Variants in KCND2 observed in about 807,000 individuals in gnomAD.
KCND2 encodes the protein A-type voltage-gated potassium channel KCND2.
KCND2 carries 16 observed loss-of-function variants against 54.4 expected under a neutral mutation model. That is an observed-to-expected ratio of 0.29 (90% CI 0.20 to 0.45). The LOEUF (loss-of-function observed/expected upper bound fraction) is 0.45, where lower values mean the gene tolerates loss of function less well. KCND2 is among the 20% of genes least tolerant of loss of function. The pLI is 1.00. For missense variants in KCND2, 486 were observed against 824.2 expected (o/e 0.59, Z 5.02); for synonymous variants, 317 against 310.7 (o/e 1.02, Z -0.21).
intron 1 of KCND2, among the ~76,000 whole-genome samples, chr7:120,451,900 T>A (rs139947852): frequency 1.3e-5 from 2 of 152,370 alleles, no homozygotes; most frequent in East Asian, 3.9e-4. Context: ...AGCTAATAGG[T>A]ACCGATTAAT....
chr7:120,561,024 CTAAT>C (rs1792225980), intron 1 of KCND2, among the ~76,000 whole-genome samples: 1 of 152,128 alleles, frequency 6.6e-6, no homozygotes, highest in Non-Finnish European at 1.5e-5. Context: ...AACAGTAAAA[CTAAT>C]TAACAAATAT....
At chr7:120,326,785 C>A (rs1799984967) in intron 1 of KCND2, among the ~76,000 whole-genome samples, 1 of 152,052 alleles carries the variant, frequency 6.6e-6, no homozygotes, top group African/African-American at 2.4e-5. Context: ...GCAATATGGT[C>A]TGCCTTGTTT....
chr7:120,497,920 T>G lies in KCND2; in HGVS notation c.1115+222173T>G, dbSNP rs73724226. ...AGGAGTGTGGATATTAGAGGACACCTAGCAGCCTCTGCAAAACACAGTACG... is the reference window on the plus strand; with the variant it reads ...AGGAGTGTGGATATTAGAGGACACCGAGCAGCCTCTGCAAAACACAGTACG... On this transcript the variant is annotated intron_variant, in intron 1 of 5. Transcript: ENST00000331113. 3.1e-3 allele frequency among the ~76,000 whole-genome samples: 473 copies of G among 152,280 alleles called. 1 individual carries two copies. Among genetic ancestry groups the G allele is most frequent in the African/African-American group, 0.011 (448 of 41,558 alleles).
intron 1 of KCND2, among the ~76,000 whole-genome samples, chr7:120,439,958 A>G (rs73433901): frequency 0.023 from 3,462 of 152,186 alleles, 142 homozygotes; most frequent in African/African-American, 0.079. Flanking sequence ...TGCAATGAAC[A>G]TGACAGTGCA....
chr7:120,674,854 C>T (rs1433403059), intron 1 of KCND2, among the ~76,000 whole-genome samples: 1 of 151,940 alleles, frequency 6.6e-6, no homozygotes, highest in Non-Finnish European at 1.5e-5. Context: ...TTCTTCTTTT[C>T]TCAAAAAAGT....
chr7:120,363,602 A>G (rs1440782336), intron 1 of KCND2, among the ~76,000 whole-genome samples: 1 of 152,010 alleles, frequency 6.6e-6, no homozygotes, highest in Admixed American at 6.6e-5. Flanking sequence ...CTATTACACT[A>G]GTTGCCTAAC....
At chr7:120,670,809 G>A (rs947491172) in intron 1 of KCND2, among the ~76,000 whole-genome samples, 2 of 151,526 alleles carry the variant, frequency 1.3e-5, no homozygotes, top group Non-Finnish European at 2.9e-5. Context: ...CCAGCTACTC[G>A]AGAGGCTGAG....
At chr7:120,304,022 G>C (rs753817881) in intron 1 of KCND2, among the ~76,000 whole-genome samples, 5 of 152,098 alleles carry the variant, frequency 3.3e-5, no homozygotes, top group Non-Finnish European at 7.4e-5. Context: ...TTTTGACAGA[G>C]AGTGTCAAAA....
chr7:120,493,842 G>C lies in KCND2; in HGVS notation c.1115+218095G>C, dbSNP rs139364578. ...GGAGACATGATTAAAAGTATTCATAGGAGCATAATCCACAGTAGTGTTAAA... is the reference window on the plus strand; with the variant it reads ...GGAGACATGATTAAAAGTATTCATACGAGCATAATCCACAGTAGTGTTAAA... On this transcript the variant is annotated intron_variant, in intron 1 of 5. Transcript: ENST00000331113. Among the ~76,000 whole-genome samples, 8 of 152,218 alleles carry C rather than the reference G, an allele frequency of 5.3e-5. No homozygotes were observed. In the East Asian group the frequency reaches 1.5e-3, roughly 29 times the overall value.
intron 1 of KCND2, among the ~76,000 whole-genome samples, chr7:120,686,303 G>T (rs969152343): frequency 1.3e-5 from 2 of 152,054 alleles, no homozygotes; most frequent in African/African-American, 4.8e-5. Context: ...TCATAGTGGA[G>T]TTCTAGTTTC....
rs544545041 is a variant in KCND2 at position 120,404,875 on chromosome 7, G to A, written c.1115+129128G>A. On this transcript the variant is annotated intron_variant, in intron 1 of 5. Coordinates refer to ENST00000331113, the MANE Select transcript of KCND2 (RefSeq NM_012281.3). ...AATAACAAATGCCCTGTATCATAAT[G>A]GGCATTGCAGATAAAATCAGGCACC... Among the ~76,000 whole-genome samples, 16 of 152,102 alleles carry A rather than the reference G, an allele frequency of 1.1e-4. No homozygotes were observed. The East Asian group carries it at 2.9e-3, about 28-fold the overall frequency.
intron 1 of KCND2, among the ~76,000 whole-genome samples, chr7:120,296,341 G>A (rs914775473): frequency 2.0e-5 from 3 of 152,032 alleles, no homozygotes; most frequent in Non-Finnish European, 1.5e-5. Flanking sequence ...ATTTCACAAA[G>A]TTTCTAAGTA....
chr7:120,572,438 C>A (rs1584833644), intron 1 of KCND2, among the ~76,000 whole-genome samples: 1 of 152,040 alleles, frequency 6.6e-6, no homozygotes, highest in African/African-American at 2.4e-5. Flanking sequence ...ATGCCTTATG[C>A]GTATGTCAGG....
intron 1 of KCND2, among the ~76,000 whole-genome samples, chr7:120,348,537 C>A (rs890622428): frequency 6.6e-6 from 1 of 152,132 alleles, no homozygotes; most frequent in Non-Finnish European, 1.5e-5. Context: ...CACTAACTAC[C>A]TTTATACATG....
intron 1 of KCND2, among the ~76,000 whole-genome samples, chr7:120,284,872 C>T (rs568260179): frequency 2.0e-5 from 3 of 152,080 alleles, no homozygotes; most frequent in Non-Finnish European, 4.4e-5. Context: ...ATATTAAAAA[C>T]ATAACAGAGC....
intron 1 of KCND2, among the ~76,000 whole-genome samples, chr7:120,526,726 T>G (rs1791781256): frequency 6.6e-6 from 1 of 152,172 alleles, no homozygotes; most frequent in Admixed American, 6.6e-5. Flanking sequence ...GGAAAAATGT[T>G]TATCTACATA....
chr7:120,455,104 C>T (rs1286136549), intron 1 of KCND2, among the ~76,000 whole-genome samples: 1 of 152,026 alleles, frequency 6.6e-6, no homozygotes, highest in African/African-American at 2.4e-5. Flanking sequence ...AATGGCCAAA[C>T]TGCCCTAAAA....
rs763467703 is a variant in KCND2 at position 120,275,471 on chromosome 7, C to T, written c.839C>T (p.Thr280Ile). Reference sequence around the variant, plus strand: ...CCTTATTACATTGGGCTGGTGATGACAGACAATGAGGACGTCAGCGGAGCC... The same window carrying T: ...CCTTATTACATTGGGCTGGTGATGATAGACAATGAGGACGTCAGCGGAGCC... ...ILPYYIGLVM[T>I]DNEDVSGAFV... The change falls in exon 1 of 6, where the codon ACA (threonine) becomes ATA (isoleucine). Residue 280 changes from threonine (T) to isoleucine (I), a missense_variant. Coordinates refer to ENST00000331113, the MANE Select transcript of KCND2 (RefSeq NM_012281.3). 1.2e-6 allele frequency: 2 copies of T among 1,613,436 alleles called. No individual in the cohort carries two copies. The highest frequency in any genetic ancestry group is 1.7e-6 in the Non-Finnish European group (2 of 1,179,726).
intron 1 of KCND2, among the ~76,000 whole-genome samples, chr7:120,323,446 C>A (rs1799924511): frequency 6.6e-6 from 1 of 151,086 alleles, no homozygotes; most frequent in South Asian, 2.1e-4. Context: ...TATCCCTCCC[C>A]ACTCCCCCCA....
Sources: gnomAD v4.1 joint callset for allele counts (sites outside exome capture counted in the v4.1 genomes callset) on GRCh38, gnomAD v4.1.1 for gene constraint, MANE v1.5 for transcripts, NCBI Gene and HGNC (gene_info 2026-07-23, HGNC 2026-07-21) for gene names.